SGCG: variants seen among roughly 807,000 people sequenced by gnomAD.
SGCG encodes sarcoglycan gamma, also known as gamma-sarcoglycan.
SGCG carries 26 observed loss-of-function variants against 29.3 expected under a neutral mutation model. The observed-to-expected ratio is 0.89, with a 90% confidence interval of 0.65 to 1.23. The LOEUF (loss-of-function observed/expected upper bound fraction) is 1.23. SGCG is among the 50% of genes most tolerant of loss of function. The pLI is 0.00. For missense variants in SGCG, 353 were observed against 356.0 expected, an observed-to-expected ratio of 0.99 and a Z score of 0.07; for synonymous variants, 145 against 129.7, an observed-to-expected ratio of 1.12 and a Z score of -0.80.
intron 1 of SGCG, among the ~76,000 whole-genome samples, chr13:23,191,457 C>T (rs1877247455): frequency 6.6e-6 from 1 of 152,130 alleles, no homozygotes. Flanking sequence ...TGGCCCAAGA[C>T]CAGATGTCAA....
chr13:23,324,617 G>T lies in SGCG; in HGVS notation c.*76G>T, dbSNP rs1272580018. ...CACCCAGGGAGCAGCTGCACATCGT[G>T]AAAGACTGAGGCAGCGTGGATGGGA... On this transcript the variant is annotated 3_prime_UTR_variant, in exon 8 of 8. Coordinates refer to ENST00000218867, the MANE Select transcript of SGCG (RefSeq NM_000231.3). 1 of 1,319,878 alleles carries T rather than the reference G, an allele frequency of 7.6e-7. No individual in the cohort carries two copies. The highest frequency in any genetic ancestry group is 1.4e-5 in the African/African-American group (1 of 69,444). 81.8% of individuals were successfully genotyped at this position (1,319,878 alleles called of 1,614,324 possible).
intron 5 of SGCG, among the ~76,000 whole-genome samples, chr13:23,289,122 T>C (rs1162658348): frequency 1.3e-5 from 2 of 152,184 alleles, no homozygotes; most frequent in East Asian, 3.8e-4. Flanking sequence ...TGAAGACAGA[T>C]ATCTGGAAGG....
rs369941547 is a variant in SGCG, at chr13:23,310,161, A to G, written c.579-10476A>G. Among the ~76,000 whole-genome samples, 10 of 129,542 alleles carry G rather than the reference A, an allele frequency of 7.7e-5. No homozygotes were observed. The East Asian group carries it at 1.7e-3, about 22-fold the overall frequency. The allele number at this position is 129,542 out of a possible 152,430, so 85.0% of individuals were successfully genotyped here. A position where few individuals can be genotyped will look rare whatever the true frequency, so the allele number is the denominator to read the frequency against. Reference sequence around the variant, plus strand: ...GAGTGCAGTGACACGATCTCGGCTCACTGCAAGCTCCGCCTCCTGGGTTCA... The same window carrying G: ...GAGTGCAGTGACACGATCTCGGCTCGCTGCAAGCTCCGCCTCCTGGGTTCA... On this transcript the variant is annotated intron_variant, in intron 6 of 7. Coordinates refer to ENST00000218867, the MANE Select transcript of SGCG (RefSeq NM_000231.3).
chr13:23,246,333 C>G (rs1440014140), intron 3 of SGCG: 1 of 152,278 alleles, frequency 6.6e-6, no homozygotes, highest in East Asian at 1.9e-4. Context: ...ATGCATCTAG[C>G]TTTCTGCCAA....
chr13:23,284,010 C>T (rs568393667), intron 5 of SGCG, among the ~76,000 whole-genome samples: 3 of 152,230 alleles, frequency 2.0e-5, no homozygotes, highest in South Asian at 2.1e-4. Flanking sequence ...ATAGGTAACC[C>T]GACCTTTCTC....
intron 4 of SGCG, among the ~76,000 whole-genome samples, chr13:23,277,246 T>C (rs1309793584): frequency 6.6e-6 from 1 of 152,224 alleles, no homozygotes; most frequent in Non-Finnish European, 1.5e-5. Context: ...ATTCCAATTA[T>C]TTCTCAATTT....
Position 23,320,760 on chromosome 13 carries a change from G to T in SGCG, c.702G>T (p.Met234Ile). ...TTCTTTTTCATAGTAGTGATGGAAT[G>T]GTGAGTTCATTCACAGATCAGCCTC... ...MDILFHSSDG[M>I]LVLDAETVCL... Residue 234 changes from methionine (M) to isoleucine (I), a missense_variant and splice_region_variant, in exon 7 of 8, where the codon ATG (methionine) becomes ATT (isoleucine). Transcript: ENST00000218867. The T allele has an allele frequency of 6.2e-7, 1 of 1,613,292 alleles. No individual in the cohort carries two copies. Among genetic ancestry groups the T allele is most frequent in the Non-Finnish European group, 8.5e-7 (1 of 1,179,504 alleles).
At chr13:23,164,945 C>T in the SGCG span, among the ~76,000 whole-genome samples, 1 of 152,166 alleles carries the variant, frequency 6.6e-6, no homozygotes, top group Non-Finnish European at 1.5e-5. Context: ...CACCCTTTCC[C>T]TTCCCATTTT....
chr13:23,295,519 C>T (rs1242513161), intron 6 of SGCG, 32 bp downstream of exon 6: 1 of 1,444,758 alleles, frequency 6.9e-7, no homozygotes, highest in South Asian at 1.1e-5. Context: ...TTAACAACCT[C>T]TCCTGTAGAA....
chr13:23,241,339 A>G (rs1593192033), intron 3 of SGCG, among the ~76,000 whole-genome samples: 2 of 142,762 alleles, frequency 1.4e-5, no homozygotes, highest in African/African-American at 5.1e-5. Context: ...TACCATGAAC[A>G]AGTATTTGTC....
intron 4 of SGCG, among the ~76,000 whole-genome samples, chr13:23,275,142 T>TATATATATATACATACATACATACATAC (rs1336045794): frequency 1.5e-3 from 219 of 148,066 alleles, no homozygotes; most frequent in African/African-American, 5.0e-3. Flanking sequence ...TATATATATA[T>TATATATATATACATACATACATACATAC]AGAAATGAGG....
rs373442790 is a variant in SGCG, at chr13:23,279,409, G to A, written c.436G>A (p.Asp146Asn). The A allele has an allele frequency of 2.0e-5, 33 of 1,613,248 alleles. No individual in the cohort carries two copies. The African/African-American group carries it at 2.5e-4, about 12-fold the overall frequency. Residue 146 changes from aspartate (D) to asparagine (N), a missense_variant, in exon 5 of 8, where the codon GAC becomes AAC. Coordinates refer to ENST00000218867, the MANE Select transcript of SGCG (RefSeq NM_000231.3). ...TCAACAGTTTCAGATCAACTCCAAC[G>A]ACGGCAAGCCACTATTTACTGTAGA... is the stretch of plus-strand genomic sequence containing the variant. Reference protein sequence around the residue: ...QNQQFQINSNDGKPLFTVDEK... With the variant: ...QNQQFQINSNNGKPLFTVDEK...
intron 6 of SGCG, among the ~76,000 whole-genome samples, chr13:23,299,415 TATATATATATATATATATATATATATATA>T (rs1882035733): frequency 1.4e-4 from 1 of 7,100 alleles, no homozygotes; most frequent in Non-Finnish European, 2.2e-4. Flanking sequence ...GGCATATATA[TATATATATATATATATATATATATATATA>T]TATATATATA....
In SGCG at chr13:23,234,622, C is replaced by T; in HGVS notation, c.207C>T (p.Gly69=). The change falls in exon 3 of 8, where the codon GGC becomes GGT. Residue 69 remains glycine (G), a synonymous_variant. Transcript: ENST00000218867. The part of the protein sequence containing the change: ...KVMWFSPAGM[G]HLCVTKDGLR... Reference sequence around the variant, plus strand: ...TTTTTTTTTAACAGGCAGGAATGGGCCACTTGTGTGTAACAAAAGATGGAC... The same window carrying T: ...TTTTTTTTTAACAGGCAGGAATGGGTCACTTGTGTGTAACAAAAGATGGAC... The T allele has an allele frequency of 1.2e-6, 2 of 1,608,892 alleles. 1 individual carries two copies. Among genetic ancestry groups the T allele is most frequent in the South Asian group, 2.2e-5 (2 of 90,780 alleles).
intron 6 of SGCG, among the ~76,000 whole-genome samples, chr13:23,300,841 C>T (rs1418811523): frequency 1.4e-5 from 2 of 146,458 alleles, no homozygotes; most frequent in Non-Finnish European, 3.0e-5. Flanking sequence ...AAGGGCCGGG[C>T]GCGGTGGCTC....
intron 4 of SGCG, among the ~76,000 whole-genome samples, chr13:23,264,938 G>A (rs1439711065): frequency 6.6e-6 from 1 of 152,094 alleles, no homozygotes; most frequent in Non-Finnish European, 1.5e-5. Flanking sequence ...CTCTAGATGG[G>A]TTTAAGACTT....
chr13:23,320,706 G>T lies in SGCG; in HGVS notation c.648G>T (p.Gly216=). 6.2e-7 allele frequency: 1 copy of T among 1,613,036 alleles called. No individual in the cohort carries two copies. Among genetic ancestry groups the T allele is most frequent in the Non-Finnish European group, 8.5e-7 (1 of 1,179,542 alleles). The change falls in exon 7 of 8, where the codon GGG becomes GGT. Residue 216 remains glycine, a synonymous_variant. Transcript: ENST00000218867. ...GTGTGCATATTCAAGCTCACGCTGGGAAAATTGAGGCGCTTTCTCAAATGG... is the reference window on the plus strand; with the variant it reads ...GTGTGCATATTCAAGCTCACGCTGGTAAAATTGAGGCGCTTTCTCAAATGG... The part of the protein sequence containing the change: ...PRGVHIQAHA[G]KIEALSQMDI...
At chr13:23,318,602 T>C (rs955213701) in intron 6 of SGCG, among the ~76,000 whole-genome samples, 1 of 152,148 alleles carries the variant, frequency 6.6e-6, no homozygotes, top group Non-Finnish European at 1.5e-5. Context: ...AACTAAAATA[T>C]AACAAAGACA....
At chr13:23,302,978 C>T (rs1028793734) in intron 6 of SGCG, among the ~76,000 whole-genome samples, 2 of 152,164 alleles carry the variant, frequency 1.3e-5, no homozygotes, top group Admixed American at 6.5e-5. Context: ...TAATGACTAT[C>T]GGCGACAATT....
Sources: allele counts gnomAD v4.1 joint callset (sites outside exome capture counted in the v4.1 genomes callset), GRCh38; gene constraint gnomAD v4.1.1; transcripts MANE v1.5; gene names NCBI Gene and HGNC (gene_info 2026-07-23, HGNC 2026-07-21).